SLC49A4: variants seen among roughly 807,000 people sequenced by gnomAD.
The protein encoded by SLC49A4 is solute carrier family 49 member 4.
A neutral mutation model predicts 50.6 loss-of-function variants in SLC49A4; 36 were observed. The ratio of observed to expected loss-of-function variants is 0.71; its 90% confidence interval spans 0.55 to 0.94. The LOEUF is 0.94. SLC49A4 is among the 40% of genes least tolerant of loss of function. The pLI is 0.00. For synonymous variants in SLC49A4, 248 were observed against 241.2 expected (o/e 1.03, Z -0.26); for missense variants, 503 against 605.7 (o/e 0.83, Z 1.78).
chr3:122,866,692 T>A (rs1343541675), intron 7 of SLC49A4, among the ~76,000 whole-genome samples: 1 of 152,152 alleles, frequency 6.6e-6, no homozygotes, highest in Non-Finnish European at 1.5e-5. Context: ...TGACCTTAGC[T>A]TTTAATCTAA....
At chr3:122,802,912 G>A (rs1237990528) in intron 1 of SLC49A4, among the ~76,000 whole-genome samples, 1 of 152,104 alleles carries the variant, frequency 6.6e-6, no homozygotes, top group Non-Finnish European at 1.5e-5. Flanking sequence ...CATGAGTATC[G>A]GTGAGCTGTG....
At chr3:122,841,421 ATT>A (rs1936767593) in intron 4 of SLC49A4, among the ~76,000 whole-genome samples, 1 of 152,220 alleles carries the variant, frequency 6.6e-6, no homozygotes, top group African/African-American at 2.4e-5. Flanking sequence ...AACTGAATCC[ATT>A]CATTGACGCC....
intron 3 of SLC49A4, among the ~76,000 whole-genome samples, chr3:122,827,480 G>T (rs993177580): frequency 2.6e-5 from 4 of 152,174 alleles, no homozygotes. Context: ...TATTAGCCAT[G>T]TTCTGTAACC....
chr3:122,839,544 A>G (rs914988902), intron 4 of SLC49A4, among the ~76,000 whole-genome samples: 18 of 150,676 alleles, frequency 1.2e-4, no homozygotes, highest in African/African-American at 4.4e-4. Flanking sequence ...GATCAGCAAG[A>G]AAAAAAAAAT....
chr3:122,807,028 G>A lies in SLC49A4; in HGVS notation c.437+78G>A, dbSNP rs1576291041. On this transcript the variant is annotated intron_variant, in intron 2 of 8. Coordinates refer to ENST00000261038, the MANE Select transcript of SLC49A4 (RefSeq NM_032839.3). The stretch of plus-strand genomic sequence containing the variant: ...AAATTTTTAAGAAGATCAGTAAAGG[G>A]TCATATTTATAGAAGCGTTTATTTT... The A allele has an allele frequency of 1.8e-5, 14 of 798,800 alleles. No homozygotes were observed. In the South Asian group the frequency reaches 2.0e-4, roughly 11 times the overall value. The allele number at this position is 798,800 out of a possible 1,614,324, so 49.5% of individuals were successfully genotyped here.
chr3:122,860,137 C>G lies in SLC49A4; in HGVS notation c.1073C>G (p.Thr358Arg), dbSNP rs969806392. 2 of 1,613,522 alleles carry G rather than the reference C, an allele frequency of 1.2e-6. No homozygotes were observed. Among genetic ancestry groups the G allele is most frequent in the Non-Finnish European group, 1.7e-6 (2 of 1,179,684 alleles). Reference protein sequence around the residue: ...LILLLLFSGATLSSTWFTLTC... With the variant: ...LILLLLFSGARLSSTWFTLTC... ...CTTCTCCTCCTGTTTTCGGGAGCTA[C>G]ACTGTCATCCACGTGGTTCACCCTG... The change falls in exon 7 of 9, where the codon ACA (threonine) becomes AGA (arginine). Residue 358 changes from threonine to arginine, a missense_variant. By Grantham distance (71) the Thr-to-Arg change is moderately conservative. Coordinates refer to ENST00000261038, the MANE Select transcript of SLC49A4 (RefSeq NM_032839.3).
intron 1 of SLC49A4, among the ~76,000 whole-genome samples, chr3:122,805,774 T>C (rs1199789616): frequency 6.6e-6 from 1 of 152,254 alleles, no homozygotes; most frequent in Non-Finnish European, 1.5e-5. Context: ...GTTGTCTATT[T>C]CTGATTATCT....
At chr3:122,869,010 CA>C (rs1209633274) in intron 7 of SLC49A4, among the ~76,000 whole-genome samples, 5 of 152,326 alleles carry the variant, frequency 3.3e-5, no homozygotes, top group Admixed American at 6.5e-5. Context: ...GTATAGACAT[CA>C]GCTCTTTGGG....
chr3:122,823,953 T>A (rs1311328000), intron 2 of SLC49A4, among the ~76,000 whole-genome samples: 1 of 152,144 alleles, frequency 6.6e-6, no homozygotes, highest in East Asian at 1.9e-4. Flanking sequence ...TTGTAACACA[T>A]TAGAAGCTGC....
chr3:122,880,343 G>A lies in SLC49A4; in HGVS notation c.*965G>A, dbSNP rs1465494970. 6.6e-6 allele frequency: 1 copy of A among 152,204 alleles called. No homozygotes were observed. Among genetic ancestry groups the A allele is most frequent in the Non-Finnish European group, 1.5e-5 (1 of 68,016 alleles). The allele number at this position is 152,204 out of a possible 1,614,324, so 9.4% of individuals were successfully genotyped here. ...GAATGATTTCTGAATTACATCCTGT[G>A]TTTCAGCTTAGGTTGTAAAATACTC... On this transcript the variant is annotated 3_prime_UTR_variant, in exon 9 of 9. Coordinates refer to ENST00000261038, the MANE Select transcript of SLC49A4 (RefSeq NM_032839.3).
intron 4 of SLC49A4, among the ~76,000 whole-genome samples, chr3:122,839,879 C>T (rs1367078509): frequency 6.6e-6 from 1 of 152,128 alleles, no homozygotes. Context: ...CCAGCAATCC[C>T]ACTACTGGTG....
At chr3:122,824,063 C>T (rs1936489489) in intron 2 of SLC49A4, among the ~76,000 whole-genome samples, 1 of 152,152 alleles carries the variant, frequency 6.6e-6, no homozygotes. Flanking sequence ...GTTTCCCTGC[C>T]AGGTTTCTCA....
Position 122,879,291 on chromosome 3 carries a change from C to T in SLC49A4, c.1350C>T (p.Pro450=), listed in dbSNP as rs368600318. The change falls in exon 9 of 9, where the codon CCC becomes CCT. Residue 450 remains proline, a synonymous_variant. Transcript: ENST00000261038. ...TGTCTTGGTTCAACTGGTGCCTTCC[C>T]GGGTCGTGTTTGCTCAGTCTCCTCC... is the stretch of plus-strand genomic sequence containing the variant. The part of the protein sequence containing the change: ...TELSWFNWCL[P]GSCLLSLLLI... 28 of 1,613,824 alleles carry T rather than the reference C, an allele frequency of 1.7e-5. No homozygotes were observed. The highest frequency in any genetic ancestry group is 5.5e-5 in the South Asian group (5 of 91,074).
intron 8 of SLC49A4, among the ~76,000 whole-genome samples, chr3:122,875,248 A>G (rs920493872): frequency 6.6e-6 from 1 of 152,220 alleles, no homozygotes; most frequent in Middle Eastern, 3.2e-3. Flanking sequence ...CATTAAAGCC[A>G]GTGTTCATAT....
chr3:122,833,470 A>G (rs1936635676), intron 4 of SLC49A4, 24 bp downstream of exon 4: 1 of 1,603,342 alleles, frequency 6.2e-7, no homozygotes, highest in Non-Finnish European at 8.5e-7. Context: ...GAGTCACTGG[A>G]TGGCTTTGAC....
intron 8 of SLC49A4, among the ~76,000 whole-genome samples, chr3:122,875,289 A>G (rs1227298188): frequency 1.3e-5 from 2 of 151,976 alleles, no homozygotes; most frequent in Admixed American, 6.6e-5. Context: ...AAACTTGAAA[A>G]CTCACCCAGA....
rs950506591 is a variant in SLC49A4 at position 122,835,757 on chromosome 3, G to A, written c.833+2311G>A. Among the ~76,000 whole-genome samples, 3 of 152,230 alleles carry A rather than the reference G, an allele frequency of 2.0e-5. No homozygotes were observed. In the South Asian group the frequency reaches 6.2e-4, roughly 32 times the overall value. On this transcript the variant is annotated intron_variant, in intron 4 of 8. Transcript: ENST00000261038. ...AGTACTAGAAGTCCTAGCCAGAACAGTCAGGCAACTGAAAGAAATAAAGGG... is the reference window on the plus strand; with the variant it reads ...AGTACTAGAAGTCCTAGCCAGAACAATCAGGCAACTGAAAGAAATAAAGGG...
At chr3:122,843,812 C>T (rs188912158) in intron 4 of SLC49A4, among the ~76,000 whole-genome samples, 4 of 152,192 alleles carry the variant, frequency 2.6e-5, no homozygotes, top group South Asian at 2.1e-4. Flanking sequence ...TTTACAAGAC[C>T]GCTTCGTAAG....
At chr3:122,798,216 A>C (rs1433037197) in intron 1 of SLC49A4, among the ~76,000 whole-genome samples, 3 of 152,098 alleles carry the variant, frequency 2.0e-5, no homozygotes, top group Non-Finnish European at 2.9e-5. Flanking sequence ...TCAGGGGAAA[A>C]TGCTGTGTTA....
Sources: gnomAD v4.1 joint callset for allele counts (sites outside exome capture counted in the v4.1 genomes callset) on GRCh38, gnomAD v4.1.1 for gene constraint, MANE v1.5 for transcripts, NCBI Gene and HGNC (gene_info 2026-07-23, HGNC 2026-07-21) for gene names.